The following SCN10A variants were observed in gnomAD, a reference collection of about 807,000 sequenced individuals.
The protein encoded by SCN10A is sodium channel protein type 10 subunit alpha.
SCN10A carries 162 observed loss-of-function variants against 170.7 expected under a neutral mutation model. The ratio of observed to expected loss-of-function variants is 0.95; its 90% CI spans 0.84 to 1.08. SCN10A has a LOEUF of 1.08. Ranked by LOEUF, SCN10A falls within the 50% of genes least tolerant of loss-of-function variation. SCN10A has a pLI of 0.00. For missense variants in SCN10A, 2,527 were observed against 2,436.9 expected, an observed-to-expected ratio of 1.04 and a Z score of -0.78; for synonymous variants, 985 against 904.6, an observed-to-expected ratio of 1.09 and a Z score of -1.59.
chr3:38,796,477 G>A (rs532581133), intron 1 of SCN10A, among the ~76,000 whole-genome samples: 2 of 152,116 alleles, frequency 1.3e-5, no homozygotes, highest in South Asian at 4.2e-4. Context: ...TGAAAATCTG[G>A]TTATGTGATA....
chr3:38,728,984 T>C, intron 15 of SCN10A, 83 bp from the exon 16 acceptor site: 1 of 1,511,118 alleles, frequency 6.6e-7, no homozygotes, highest in Non-Finnish European at 8.9e-7. Flanking sequence ...ACCAAAGATC[T>C]GGGAAAAACA....
At position 38,739,530 on chromosome 3, in the gene SCN10A, C is replaced by T. The variant is rs1342840522; in HGVS notation, c.2265G>A (p.Leu755=). The part of the protein sequence containing the change: ...GVAKKGSLSV[L]RSFRLLRVFK... ...AAAACATTACCAAGCGGAAGCTCCG[C>T]AGCACAGACAGGCTTCCCTTCTTGG... Residue 755 remains leucine (L), a synonymous_variant, in exon 15 of 28, where the codon CTG becomes CTA. Transcript: ENST00000449082. 5.6e-6 allele frequency: 9 copies of T among 1,613,790 alleles called. No individual in the cohort carries two copies. The highest frequency in any genetic ancestry group is 8.5e-7 in the Non-Finnish European group (1 of 1,179,868).
chr3:38,752,431 A>C lies in SCN10A; in HGVS notation c.1543T>G (p.Ser515Ala). ...FHFRSPGRDI[S>A]LPEGVTDDGV... ...TCATCTGTGACTCCCTCAGGGAGTG[A>C]GATATCTCGGCCAGGGGACCGGAAA... Residue 515 changes from serine to alanine, a missense_variant, in exon 12 of 28, where the codon TCA becomes GCA. Transcript: ENST00000449082. The C allele has an allele frequency of 6.2e-7, 1 of 1,613,424 alleles. No individual in the cohort carries two copies. The highest frequency in any genetic ancestry group is 8.5e-7 in the Non-Finnish European group (1 of 1,179,736).
chr3:38,710,280 C>T (rs1287477556), intron 24 of SCN10A, among the ~76,000 whole-genome samples: 6 of 152,182 alleles, frequency 3.9e-5, no homozygotes. Context: ...CTGTCTCAGT[C>T]TCCCGAGCAG....
chr3:38,807,819 C>G (rs922794751), intron 1 of SCN10A, among the ~76,000 whole-genome samples: 1 of 152,110 alleles, frequency 6.6e-6, no homozygotes, highest in African/African-American at 2.4e-5. Context: ...TTGCTCACAT[C>G]ATAAACATGT....
At chr3:38,793,565 A>G (rs1485545783) in intron 2 of SCN10A, among the ~76,000 whole-genome samples, 176 bp downstream of exon 2, 2 of 152,156 alleles carry the variant, frequency 1.3e-5, no homozygotes, top group Non-Finnish European at 2.9e-5. Flanking sequence ...TGTCATAAAA[A>G]TTCAAAGAGA....
Position 38,750,066 on chromosome 3 carries a change from C to A in SCN10A, c.1867+7G>T. Reference sequence around the variant, plus strand: ...AGTGGATGAACAATGCAGTGAGCAGCACTTACCCTCAAGGACGGAGGTTAT... The same window carrying A: ...AGTGGATGAACAATGCAGTGAGCAGAACTTACCCTCAAGGACGGAGGTTAT... On this transcript the variant is annotated splice_region_variant and intron_variant, in intron 13 of 27. Coordinates refer to ENST00000449082, the MANE Select transcript of SCN10A (RefSeq NM_006514.4). 6.6e-7 allele frequency: 1 copy of A among 1,519,980 alleles called. No individual in the cohort carries two copies. Among genetic ancestry groups the A allele is most frequent in the Non-Finnish European group, 9.1e-7 (1 of 1,094,906 alleles). 94.2% of individuals were successfully genotyped at this position (1,519,980 alleles called of 1,614,324 possible).
chr3:38,816,114 A>G lies in SCN10A; in HGVS notation c.-110T>C, dbSNP rs1318680455. 3 of 152,212 alleles carry G rather than the reference A, an allele frequency of 2.0e-5. No homozygotes were observed. The highest frequency in any genetic ancestry group is 4.4e-5 in the Non-Finnish European group (3 of 68,034). 9.4% of individuals were successfully genotyped at this position (152,212 alleles called of 1,614,324 possible). A position where few individuals can be genotyped will look rare whatever the true frequency, so the allele number is the denominator to read the frequency against. On this transcript the variant is annotated 5_prime_UTR_variant, in exon 1 of 28. Coordinates refer to ENST00000449082, the MANE Select transcript of SCN10A (RefSeq NM_006514.4). ...TCCCAGATTGCCTCTACTGGAGACC[A>G]CGAGCTCCTGGAACATACGTTCAGC...
chr3:38,793,921 G>A lies in SCN10A; in HGVS notation c.90C>T (p.Ala30=), dbSNP rs2064318825. 6.2e-7 allele frequency: 1 copy of A among 1,614,052 alleles called. No homozygotes were observed. Among genetic ancestry groups the A allele is most frequent in the East Asian group, 2.2e-5 (1 of 44,878 alleles). Residue 30 remains alanine (A), a synonymous_variant, in exon 2 of 28, where the codon GCC becomes GCT. Transcript: ENST00000449082. ...CTCTGGCTTTCTTTGTTCCCTGCTT[G>A]GCAGCAATTTGCTTCTCTATCTCCA... ...SLVEIEKQIA[A]KQGTKKAREK... is the part of the protein sequence containing the mutation.
rs1317884608 is a variant in SCN10A at position 38,792,098 on chromosome 3, C to T, written c.341G>A (p.Ser114Asn). The change falls in exon 3 of 28, where the codon AGT (serine) becomes AAT (asparagine). Residue 114 changes from serine (S) to asparagine (N), a missense_variant. Transcript: ENST00000449082. ...FSATRALWLF[S>N]PFNLIRRTAI... ...CGTTCTTCTGATCAGGTTGAAAGGA[C>T]TGAATAGCCACAGGGCCCGAGTGGC... 6.2e-7 allele frequency: 1 copy of T among 1,613,880 alleles called. No homozygotes were observed. The highest frequency in any genetic ancestry group is 8.5e-7 in the Non-Finnish European group (1 of 1,179,850).
In SCN10A at chr3:38,768,903, G is replaced by C. The variant is rs111987089; in HGVS notation, c.599+2376C>G. ...GGAACACCCATTATTCTTAGGTTTGGTTGTTTCACATGATTCCAAATTTAT... is the reference window on the plus strand; with the variant it reads ...GGAACACCCATTATTCTTAGGTTTGCTTGTTTCACATGATTCCAAATTTAT... On this transcript the variant is annotated intron_variant, in intron 5 of 27. Coordinates refer to ENST00000449082, the MANE Select transcript of SCN10A (RefSeq NM_006514.4). 4.1e-3 allele frequency among the ~76,000 whole-genome samples: 631 copies of C among 152,146 alleles called. 4 individuals are homozygous for C. The highest frequency in any genetic ancestry group is 0.013 in the African/African-American group (525 of 41,528).
Position 38,698,458 on chromosome 3 carries a change from G to A in SCN10A, c.4762C>T (p.Arg1588Ter), listed in dbSNP as rs142537392. 24 of 1,614,062 alleles carry A rather than the reference G, an allele frequency of 1.5e-5. No individual in the cohort carries two copies. In the East Asian group the frequency reaches 1.6e-4, roughly 10 times the overall value. The change falls in exon 28 of 28, where the codon CGA (arginine) becomes TGA (stop). Residue 1588 changes from arginine to a stop codon, truncating the protein, a stop_gained. Transcript: ENST00000449082. LOFTEE classifies it high-confidence loss of function. The stretch of plus-strand genomic sequence containing the variant: ...AGTGTGCGGATCCCCTTGGCCGCTC[G>A]GATCAGTCTGAGGATGCGGCCAATT... The part of the protein sequence containing the change: ...ARIGRILRLI[R>*]AAKGIRTLLF...
intron 13 of SCN10A, among the ~76,000 whole-genome samples, chr3:38,747,895 T>C (rs1250835346): frequency 6.6e-6 from 1 of 152,208 alleles, no homozygotes; most frequent in Non-Finnish European, 1.5e-5. Context: ...TTTTTTCTCC[T>C]ACTTCTTATA....
At chr3:38,780,260 G>A (rs906002613) in intron 4 of SCN10A, among the ~76,000 whole-genome samples, 4 of 151,624 alleles carry the variant, frequency 2.6e-5, no homozygotes, top group Non-Finnish European at 5.9e-5. Context: ...CTTTTTGACC[G>A]AGATTCCACT....
Position 38,700,625 on chromosome 3 carries a change from CAG to C in SCN10A, c.4657+1212_4657+1213del, listed in dbSNP as rs142290902. Among the ~76,000 whole-genome samples, 604 of 152,234 alleles carry C rather than the reference CAG, an allele frequency of 4.0e-3. 9 individuals carry two copies. Among genetic ancestry groups the C allele is most frequent in the African/African-American group, 0.014 (569 of 41,532 alleles). On this transcript the variant is annotated intron_variant, in intron 27 of 27. Coordinates refer to ENST00000449082, the MANE Select transcript of SCN10A (RefSeq NM_006514.4). ...CATACCTCAATAAAGTGTTAAAAAA[CAG>C]AGCAGCAATATCAAAATAAAACAAG...
At chr3:38,732,127 T>C (rs2063518931) in intron 15 of SCN10A, among the ~76,000 whole-genome samples, 2 of 152,226 alleles carry the variant, frequency 1.3e-5, no homozygotes, top group Non-Finnish European at 2.9e-5. Flanking sequence ...CAACAATGTC[T>C]TGTGAGATGT....
chr3:38,709,716 A>G lies in SCN10A; in HGVS notation c.4144-101T>C, dbSNP rs556959343. 174 of 1,069,144 alleles carry G rather than the reference A, an allele frequency of 1.6e-4. 4 individuals are homozygous for G. The Admixed American group carries it at 5.1e-3, about 31-fold the overall frequency. 66.2% of individuals were successfully genotyped at this position (1,069,144 alleles called of 1,614,324 possible). On this transcript the variant is annotated intron_variant, in intron 24 of 27. Transcript: ENST00000449082. ...ACATGGACCTGGGTGCAGGTGATTT[A>G]TCTGGGAGGTGATCCAAGGAAGCAG...
rs1183530821 is a variant in SCN10A, at chr3:38,728,621, A to T, written c.2561T>A (p.Met854Lys). 3.1e-6 allele frequency: 5 copies of T among 1,613,664 alleles called. No individual in the cohort carries two copies. In the Admixed American group the frequency reaches 8.3e-5, roughly 27 times the overall value. Residue 854 changes from methionine to lysine, a missense_variant, in exon 16 of 28, where the codon ATG becomes AAG. Coordinates refer to ENST00000449082, the MANE Select transcript of SCN10A (RefSeq NM_006514.4). Reference protein sequence around the residue: ...RILCGEWIENMWACMEVGQKS... With the variant: ...RILCGEWIENKWACMEVGQKS... ...TTGGCCAACTTCCATGCAGGCCCAC[A>T]TGTTCTCAATCCACTCTCCACAGAG...
intron 1 of SCN10A, among the ~76,000 whole-genome samples, chr3:38,812,883 A>T (rs1022022446): frequency 1.3e-5 from 2 of 151,610 alleles, no homozygotes. Context: ...AAACCACAAA[A>T]TTTTTCCAAG....
Sources: gnomAD v4.1 joint callset for allele counts (sites outside exome capture counted in the v4.1 genomes callset) on GRCh38, gnomAD v4.1.1 for gene constraint, MANE v1.5 for transcripts, NCBI Gene and HGNC (gene_info 2026-07-23, HGNC 2026-07-21) for gene names.